Variants in LRIG1 observed in about 807,000 individuals in gnomAD.
The protein encoded by LRIG1 is leucine-rich repeats and immunoglobulin-like domains protein 1.
Under a neutral mutation model 99.2 loss-of-function variants are expected in LRIG1, and 48 were observed. The observed-to-expected ratio is 0.48, with a 90% CI of 0.38 to 0.62. The LOEUF (loss-of-function observed/expected upper bound fraction) is 0.62, where lower values mean the gene tolerates loss of function less well. Ranked by LOEUF, LRIG1 falls within the 20% of genes least tolerant of loss-of-function variation. LRIG1 has a pLI of 0.00. For missense variants in LRIG1, 1,646 were observed against 1,434.4 expected (o/e 1.15, Z -2.38); for synonymous variants, 772 against 596.1 (o/e 1.29, Z -4.30).
At chr3:66,479,445 T>G (rs772171426) in intron 1 of LRIG1, among the ~76,000 whole-genome samples, 8 of 152,176 alleles carry the variant, frequency 5.3e-5, no homozygotes, top group Middle Eastern at 3.2e-3. Flanking sequence ...TTATGAGGCA[T>G]TACACTTCTA....
chr3:66,392,917 G>A (rs1029708460), intron 12 of LRIG1, among the ~76,000 whole-genome samples: 2 of 152,218 alleles, frequency 1.3e-5, no homozygotes, highest in Non-Finnish European at 2.9e-5. Flanking sequence ...CCACACAGAA[G>A]GCTCCATAAG....
At chr3:66,412,310 C>A (rs1702491778) in intron 6 of LRIG1, among the ~76,000 whole-genome samples, 1 of 152,188 alleles carries the variant, frequency 6.6e-6, no homozygotes, top group Non-Finnish European at 1.5e-5. Context: ...TTCCTGTGGT[C>A]AGGAGTGGAG....
At chr3:66,450,392 T>C (rs1241775203) in intron 3 of LRIG1, among the ~76,000 whole-genome samples, 1 of 152,128 alleles carries the variant, frequency 6.6e-6, no homozygotes, top group African/African-American at 2.4e-5. Context: ...TCCTCATGTA[T>C]AAAATGGGTC....
intron 12 of LRIG1, among the ~76,000 whole-genome samples, chr3:66,389,184 A>G (rs1701518784): frequency 6.6e-6 from 1 of 152,240 alleles, no homozygotes; most frequent in Non-Finnish European, 1.5e-5. Flanking sequence ...TAAGATGTTA[A>G]TTTTAATTCC....
chr3:66,386,642 G>A (rs1701389618), intron 12 of LRIG1: 2 of 262,276 alleles, frequency 7.6e-6, no homozygotes, highest in South Asian at 6.0e-5. Context: ...AGGCACCACT[G>A]GTCATGACTG....
At chr3:66,476,399 A>G (rs1158636431) in intron 1 of LRIG1, among the ~76,000 whole-genome samples, 3 of 152,146 alleles carry the variant, frequency 2.0e-5, no homozygotes, top group Non-Finnish European at 4.4e-5. Context: ...ATAAGGGCCT[A>G]ATCACAATTC....
intron 14 of LRIG1, among the ~76,000 whole-genome samples, 153 bp from the exon 15 acceptor site, chr3:66,383,554 T>G (rs1701212387): frequency 1.3e-5 from 2 of 152,188 alleles, no homozygotes; most frequent in African/African-American, 2.4e-5. Context: ...ACCCTTCAAC[T>G]CATTGACTGA....
intron 3 of LRIG1, among the ~76,000 whole-genome samples, chr3:66,444,681 A>G (rs922246502): frequency 1.3e-5 from 2 of 152,214 alleles, no homozygotes; most frequent in Non-Finnish European, 2.9e-5. Flanking sequence ...GGTAAGACCC[A>G]GTGACTTGTG....
intron 9 of LRIG1, among the ~76,000 whole-genome samples, chr3:66,401,269 C>A (rs1226529112): frequency 1.3e-5 from 2 of 152,186 alleles, no homozygotes; most frequent in African/African-American, 4.8e-5. Flanking sequence ...GCGCTTTAAC[C>A]ACAAAACTCG....
At chr3:66,427,083 T>C (rs542570018) in intron 3 of LRIG1, among the ~76,000 whole-genome samples, 65 of 152,076 alleles carry the variant, frequency 4.3e-4, no homozygotes, top group South Asian at 2.1e-3. Context: ...GGAAAAAAAA[T>C]CTAACACCCC....
At chr3:66,383,733 C>A (rs999297227) in intron 14 of LRIG1, among the ~76,000 whole-genome samples, 5 of 152,112 alleles carry the variant, frequency 3.3e-5, no homozygotes, top group African/African-American at 1.2e-4. Context: ...ACCAAGCCCA[C>A]ATCCATCCTG....
chr3:66,483,123 A>C (rs1022872874), intron 1 of LRIG1, among the ~76,000 whole-genome samples: 7 of 152,084 alleles, frequency 4.6e-5, no homozygotes, highest in Admixed American at 2.0e-4. Flanking sequence ...ACTGGGGACA[A>C]AAGGCTTCCC....
intron 3 of LRIG1, among the ~76,000 whole-genome samples, chr3:66,426,014 G>A (rs920452559): frequency 1.3e-5 from 2 of 152,128 alleles, no homozygotes; most frequent in Non-Finnish European, 2.9e-5. Context: ...GTGAAAGCCT[G>A]GTTTACAAGG....
chr3:66,415,075 C>T lies in LRIG1; in HGVS notation c.504-12G>A. The T allele has an allele frequency of 6.3e-7, 1 of 1,585,350 alleles. No homozygotes were observed. The highest frequency in any genetic ancestry group is 8.6e-7 in the Non-Finnish European group (1 of 1,167,430). Reference sequence around the variant, plus strand: ...TGCCTGCCAGGTTGCTGGAATGATTCAGAAAAGAAAATGTGGTGGTTGGTC... The same window carrying T: ...TGCCTGCCAGGTTGCTGGAATGATTTAGAAAAGAAAATGTGGTGGTTGGTC... On this transcript the variant is annotated splice_polypyrimidine_tract_variant and intron_variant, in intron 4 of 18. Coordinates refer to ENST00000273261, the MANE Select transcript of LRIG1 (RefSeq NM_015541.3).
chr3:66,417,496 T>TC, intron 3 of LRIG1: 1 of 516,826 alleles, frequency 1.9e-6, no homozygotes, highest in Non-Finnish European at 3.5e-6. Flanking sequence ...TCCCTAGGCT[T>TC]CCCTCTCCAA....
At chr3:66,395,904 C>T (rs1293922226) in intron 11 of LRIG1, among the ~76,000 whole-genome samples, 1 of 152,258 alleles carries the variant, frequency 6.6e-6, no homozygotes, top group African/African-American at 2.4e-5. Context: ...GCAGAACAGC[C>T]TGGGCACTGT....
At chr3:66,404,897 A>G (rs980418158) in intron 9 of LRIG1, among the ~76,000 whole-genome samples, 1 of 152,184 alleles carries the variant, frequency 6.6e-6, no homozygotes, top group Non-Finnish European at 1.5e-5. Context: ...AAAGGGCAAC[A>G]GCAAATTCAG....
At chr3:66,390,325 T>C (rs1353655819) in intron 12 of LRIG1, among the ~76,000 whole-genome samples, 1 of 152,192 alleles carries the variant, frequency 6.6e-6, no homozygotes, top group Non-Finnish European at 1.5e-5. Flanking sequence ...TTGCAATAAA[T>C]ATTTCATTTT....
intron 9 of LRIG1, chr3:66,401,497 A>G: frequency 1.5e-6 from 1 of 650,080 alleles, no homozygotes. Context: ...CCTGTTTTAC[A>G]ATGAGGGCAG....
Sources: gnomAD v4.1 joint callset for allele counts (sites outside exome capture counted in the v4.1 genomes callset) on GRCh38, gnomAD v4.1.1 for gene constraint, MANE v1.5 for transcripts, NCBI Gene and HGNC (gene_info 2026-07-23, HGNC 2026-07-21) for gene names.